The following IMPG2 variants were observed in gnomAD, a reference collection of about 807,000 sequenced individuals.
The protein encoded by IMPG2 is IPM 200.
A neutral mutation model predicts 129.2 loss-of-function variants in IMPG2; 91 were observed. That is an observed-to-expected ratio of 0.70 (90% CI 0.59 to 0.84). The LOEUF is 0.84. Among genes scored for constraint, IMPG2 ranks in the 40% least tolerant of loss-of-function variants. The pLI is 0.00. For missense variants in IMPG2, 1,430 were observed against 1,461.7 expected (o/e 0.98, Z 0.35); for synonymous variants, 510 against 517.7 (o/e 0.99, Z 0.20).
At chr3:101,237,902 G>A (rs1559641080) in intron 14 of IMPG2, among the ~76,000 whole-genome samples, 1 of 152,010 alleles carries the variant, frequency 6.6e-6, no homozygotes, top group Non-Finnish European at 1.5e-5. Flanking sequence ...GGCTTCAGAA[G>A]GTGGGTAATA....
chr3:101,319,600 C>G lies in IMPG2; in HGVS notation c.318G>C (p.Lys106Asn). The G allele has an allele frequency of 6.2e-7, 1 of 1,613,558 alleles. No individual in the cohort carries two copies. The highest frequency in any genetic ancestry group is 2.2e-5 in the East Asian group (1 of 44,872). ...SVAEAVANHV[K>N]YFKVRVCQEA... is the part of the protein sequence containing the mutation. ...TTCGCTTACCTCGGACTTTAAAATA[C>G]TTCACATGATTTGCCACAGCCTCTG... is the stretch of plus-strand genomic sequence containing the variant. Residue 106 changes from lysine (K) to asparagine (N), a missense_variant, in exon 2 of 19, where the codon AAG becomes AAC. Lys to Asn is a moderately conservative substitution (Grantham distance 94, BLOSUM62 0). Coordinates refer to ENST00000193391, the MANE Select transcript of IMPG2 (RefSeq NM_016247.4).
rs1314424517 is a variant in IMPG2, at chr3:101,226,926, A to G, written c.*43T>C. 1.9e-6 allele frequency: 3 copies of G among 1,601,584 alleles called. No individual in the cohort carries two copies. Among genetic ancestry groups the G allele is most frequent in the Admixed American group, 1.7e-5 (1 of 59,948 alleles). On this transcript the variant is annotated 3_prime_UTR_variant, in exon 19 of 19. Transcript: ENST00000193391. ...ATGACATAAGTAACAAGTAATCTCC[A>G]TCTTCTCCAGGCTTCTAATCAGTTT... is the stretch of plus-strand genomic sequence containing the variant.
At chr3:101,256,940 C>G (rs1706616941) in intron 10 of IMPG2, among the ~76,000 whole-genome samples, 1 of 152,066 alleles carries the variant, frequency 6.6e-6, no homozygotes, top group Non-Finnish European at 1.5e-5. Context: ...TGACTGGGCA[C>G]CCTGTAGCCT....
At chr3:101,270,256 A>G (rs1442869676) in intron 7 of IMPG2, among the ~76,000 whole-genome samples, 1 of 152,086 alleles carries the variant, frequency 6.6e-6, no homozygotes, top group African/African-American at 2.4e-5. Flanking sequence ...TGGATTTGGA[A>G]TCTGGCCACA....
chr3:101,320,310 T>G lies in IMPG2; in HGVS notation c.63A>C (p.Glu21Asp). 6.3e-7 allele frequency: 1 copy of G among 1,598,262 alleles called. No individual in the cohort carries two copies. The highest frequency in any genetic ancestry group is 8.6e-7 in the Non-Finnish European group (1 of 1,166,328). Residue 21 changes from glutamate to aspartate, a missense_variant, in exon 1 of 19, where the codon GAA (glutamate) becomes GAC (aspartate). Coordinates refer to ENST00000193391, the MANE Select transcript of IMPG2 (RefSeq NM_016247.4). ...SLGILIFVLI[E>D]GDFPSLTAQT... is the part of the protein sequence containing the mutation. ...TACCTGTTAATGATGGAAAGTCTCC[T>G]TCTATCAGGACAAATATCAAAATAC...
chr3:101,308,328 T>TC (rs1707225710), intron 2 of IMPG2, among the ~76,000 whole-genome samples: 1 of 152,238 alleles, frequency 6.6e-6, no homozygotes, highest in Non-Finnish European at 1.5e-5. Context: ...TAGCAGATGT[T>TC]CCCCATGAGG....
chr3:101,282,411 A>G (rs1311523239), intron 4 of IMPG2, among the ~76,000 whole-genome samples: 1 of 152,014 alleles, frequency 6.6e-6, no homozygotes, highest in Non-Finnish European at 1.5e-5. Flanking sequence ...CAGAATACAA[A>G]TTTTTAAATT....
chr3:101,304,417 C>T, intron 2 of IMPG2, 105 bp from the exon 3 acceptor site: 1 of 1,009,206 alleles, frequency 9.9e-7, no homozygotes, highest in Non-Finnish European at 1.6e-6. Flanking sequence ...CTGAAGTGTC[C>T]TTTCTGGAGG....
In IMPG2 at chr3:101,319,708, T is replaced by C; in HGVS notation, c.210A>G (p.Glu70=). Residue 70 remains glutamate (E), a synonymous_variant, in exon 2 of 19, where the codon GAA becomes GAG. Coordinates refer to ENST00000193391, the MANE Select transcript of IMPG2 (RefSeq NM_016247.4). The part of the protein sequence containing the change: ...TKKKQPLDRR[E]TERQWLIRRR... Reference sequence around the variant, plus strand: ...TTCTGATTAACCACTGTCTTTCAGTTTCTCTGCGGTCCAGAGGCTGTTTCT... The same window carrying C: ...TTCTGATTAACCACTGTCTTTCAGTCTCTCTGCGGTCCAGAGGCTGTTTCT... The C allele has an allele frequency of 1.2e-6, 2 of 1,613,744 alleles. No individual in the cohort carries two copies. Among genetic ancestry groups the C allele is most frequent in the African/African-American group, 1.3e-5 (1 of 75,014 alleles).
intron 14 of IMPG2, among the ~76,000 whole-genome samples, chr3:101,240,321 G>A (rs934892391): frequency 6.6e-6 from 1 of 152,002 alleles, no homozygotes; most frequent in Non-Finnish European, 1.5e-5. Flanking sequence ...GACTCACTAT[G>A]TTGCTTAGGC....
At position 101,244,044 on chromosome 3, in the gene IMPG2, C is replaced by G; in HGVS notation, c.2287G>C (p.Val763Leu). 1 of 1,614,054 alleles carries G rather than the reference C, an allele frequency of 6.2e-7. No individual in the cohort carries two copies. The highest frequency in any genetic ancestry group is 8.5e-7 in the Non-Finnish European group (1 of 1,180,034). Residue 763 changes from valine to leucine, a missense_variant, in exon 13 of 19, where the codon GTT (valine) becomes CTT (leucine). By Grantham distance (32) the Val-to-Leu change is conservative (BLOSUM62 1). Transcript: ENST00000193391. ...SSNYEWFDSE[V>L]SMVKPDMQTL... ...TGCATATCTGGCTTTACCATTGAAA[C>G]CTCACTGTCAAACCATTCATAGTTG...
At position 101,243,693 on chromosome 3, in the gene IMPG2, C is replaced by T. The variant is rs182124594; in HGVS notation, c.2638G>A (p.Val880Met). 188 of 1,614,116 alleles carry T rather than the reference C, an allele frequency of 1.2e-4. 1 individual carries two copies. In the East Asian group the frequency reaches 3.1e-3, roughly 26 times the overall value. Residue 880 changes from valine (V) to methionine (M), a missense_variant, in exon 13 of 19, where the codon GTG (valine) becomes ATG (methionine). Coordinates refer to ENST00000193391, the MANE Select transcript of IMPG2 (RefSeq NM_016247.4). Reference protein sequence around the residue: ...TSVHSTEMVSVAWPTEGGDDL... With the variant: ...TSVHSTEMVSMAWPTEGGDDL... ...TCTCCTCCTTCTGTGGGCCAAGCCA[C>T]ACTAACCATCTCTGTGGAGTGAACA...
chr3:101,256,064 A>AAAAAG (rs200037978), intron 10 of IMPG2, among the ~76,000 whole-genome samples: 53 of 150,776 alleles, frequency 3.5e-4, no homozygotes, highest in East Asian at 2.3e-3. Flanking sequence ...AAGAAAAAGA[A>AAAAAG]AAAAGAAAAG....
intron 11 of IMPG2, among the ~76,000 whole-genome samples, chr3:101,248,260 T>A (rs1278683775): frequency 6.6e-6 from 1 of 151,934 alleles, no homozygotes. Flanking sequence ...ATAAGTCTCA[T>A]GAGATATGAT....
At chr3:101,254,495 G>C (rs1177379258) in intron 10 of IMPG2, among the ~76,000 whole-genome samples, 1 of 152,040 alleles carries the variant, frequency 6.6e-6, no homozygotes. Context: ...GCCCACGGGG[G>C]AGAGGGAATC....
At chr3:101,267,706 G>A (rs1443422498) in intron 8 of IMPG2, among the ~76,000 whole-genome samples, 175 bp from the exon 9 acceptor site, 4 of 152,094 alleles carry the variant, frequency 2.6e-5, no homozygotes. Context: ...GGTGAAAAAA[G>A]CATTTTATTT....
intron 10 of IMPG2, among the ~76,000 whole-genome samples, chr3:101,256,365 C>T (rs888009974): frequency 3.3e-5 from 5 of 151,764 alleles, no homozygotes; most frequent in African/African-American, 1.2e-4. Flanking sequence ...CATATGTGCA[C>T]ACACACACAT....
intron 3 of IMPG2, among the ~76,000 whole-genome samples, chr3:101,300,018 C>A (rs572939278): frequency 6.6e-6 from 1 of 152,224 alleles, no homozygotes; most frequent in African/African-American, 2.4e-5. Context: ...TAAATCTACC[C>A]GTCCGCAGAG....
intron 10 of IMPG2, among the ~76,000 whole-genome samples, chr3:101,255,854 T>G (rs1460004817): frequency 6.6e-6 from 1 of 151,670 alleles, no homozygotes; most frequent in African/African-American, 2.4e-5. Context: ...ATATAAAGCC[T>G]CCCTAATGTT....
Sources: gnomAD v4.1 joint callset for allele counts (sites outside exome capture counted in the v4.1 genomes callset) on GRCh38, gnomAD v4.1.1 for gene constraint, MANE v1.5 for transcripts, NCBI Gene and HGNC (gene_info 2026-07-23, HGNC 2026-07-21) for gene names.